Variants in ELMO1 observed in about 807,000 individuals in gnomAD.
ELMO1 encodes engulfment and cell motility protein 1.
A neutral mutation model predicts 98.9 loss-of-function variants in ELMO1; 26 were observed. The observed-to-expected ratio is 0.26, with a 90% CI of 0.19 to 0.36. The LOEUF is 0.36. Among genes scored for constraint, ELMO1 ranks in the 10% least tolerant of loss-of-function variants. ELMO1 has a pLI of 1.00. For missense variants in ELMO1, 627 were observed against 935.2 expected, an observed-to-expected ratio of 0.67 and a Z score of 4.30; for synonymous variants, 346 against 346.0, an observed-to-expected ratio of 1.00 and a Z score of 0.00.
intron 15 of ELMO1, among the ~76,000 whole-genome samples, chr7:37,092,741 T>C (rs563214180): frequency 6.6e-6 from 1 of 152,160 alleles, no homozygotes; most frequent in East Asian, 1.9e-4. Flanking sequence ...ACCAACTGCG[T>C]GCAGCACAGT....
chr7:37,407,681 C>A (rs924907552), intron 1 of ELMO1, among the ~76,000 whole-genome samples: 1 of 152,064 alleles, frequency 6.6e-6, no homozygotes, highest in African/African-American at 2.4e-5. Flanking sequence ...GAGAGGGATG[C>A]ATTTGTGGAC....
At chr7:37,120,460 G>A (rs555111803) in intron 14 of ELMO1, among the ~76,000 whole-genome samples, 16 of 152,288 alleles carry the variant, frequency 1.1e-4, no homozygotes, top group African/African-American at 2.4e-4. Flanking sequence ...TTTAGCAAAC[G>A]GCACACCAGG....
chr7:37,279,189 C>T (rs1166263848), intron 4 of ELMO1, among the ~76,000 whole-genome samples: 10 of 150,712 alleles, frequency 6.6e-5, no homozygotes, highest in Admixed American at 2.0e-4. Flanking sequence ...GCAACAACAG[C>T]GAAACTCCGT....
At chr7:36,937,553 T>G (rs1050503044) in intron 16 of ELMO1, among the ~76,000 whole-genome samples, 15 of 152,322 alleles carry the variant, frequency 9.8e-5, no homozygotes, top group Middle Eastern at 3.4e-3. Context: ...TGGTAGTACT[T>G]TGTTACAGCA....
At chr7:37,158,416 A>T (rs899714688) in intron 13 of ELMO1, among the ~76,000 whole-genome samples, 3 of 152,244 alleles carry the variant, frequency 2.0e-5, no homozygotes, top group African/African-American at 7.2e-5. Context: ...CATCTGACAA[A>T]GGACTAATAT....
chr7:37,243,407 C>G (rs891233805), intron 7 of ELMO1, among the ~76,000 whole-genome samples: 2 of 152,078 alleles, frequency 1.3e-5, no homozygotes, highest in Non-Finnish European at 2.9e-5. Flanking sequence ...TGAGACAATG[C>G]CCAGGATAAA....
intron 8 of ELMO1, among the ~76,000 whole-genome samples, chr7:37,232,715 T>C (rs183381591): frequency 8.3e-4 from 126 of 152,264 alleles, no homozygotes; most frequent in Admixed American, 1.6e-3. Context: ...TCAGTATACT[T>C]TGCCTCTTTC....
At chr7:37,150,111 A>C (rs1432180735) in intron 13 of ELMO1, among the ~76,000 whole-genome samples, 1 of 152,092 alleles carries the variant, frequency 6.6e-6, no homozygotes, top group Non-Finnish European at 1.5e-5. Context: ...CAAACCTCAG[A>C]TGGGGCCTTT....
rs371340574 is a variant in ELMO1, at chr7:37,224,867, T to A, written c.701+12A>T. On this transcript the variant is annotated intron_variant, in intron 9 of 21. Coordinates refer to ENST00000310758, the MANE Select transcript of ELMO1 (RefSeq NM_014800.11). ...AGCATTTCTCCTCCCCAGAGCATCT[T>A]GGCATGCTTACCCTTGCAGGTGTGG... 5.0e-5 allele frequency: 81 copies of A among 1,612,884 alleles called. No individual in the cohort carries two copies. The highest frequency in any genetic ancestry group is 6.2e-5 in the Non-Finnish European group (73 of 1,179,272).
intron 2 of ELMO1, among the ~76,000 whole-genome samples, chr7:37,320,010 C>T (rs1223024973): frequency 6.6e-6 from 1 of 152,114 alleles, no homozygotes; most frequent in African/African-American, 2.4e-5. Context: ...AATCCCAGCA[C>T]TTTGGGAGGC....
intron 16 of ELMO1, among the ~76,000 whole-genome samples, chr7:36,965,772 A>T (rs1370201204): frequency 6.6e-6 from 1 of 152,206 alleles, no homozygotes; most frequent in Non-Finnish European, 1.5e-5. Context: ...TTCCAAACAC[A>T]TCATTTCCTC....
intron 13 of ELMO1, among the ~76,000 whole-genome samples, chr7:37,169,936 T>C (rs945153954): frequency 6.6e-6 from 1 of 152,178 alleles, no homozygotes; most frequent in Non-Finnish European, 1.5e-5. Context: ...AGTCTCACTC[T>C]TGTCACCCAG....
At chr7:36,862,019 G>C in intron 20 of ELMO1, 1 of 386,450 alleles carries the variant, frequency 2.6e-6, no homozygotes, top group Admixed American at 3.7e-5. Flanking sequence ...GGCTCAATGA[G>C]TGTCCAAGGT....
chr7:36,864,290 C>T (rs1168748786), intron 20 of ELMO1, among the ~76,000 whole-genome samples: 1 of 152,168 alleles, frequency 6.6e-6, no homozygotes, highest in African/African-American at 2.4e-5. Context: ...GGAAAAGGAG[C>T]AGGCAAACTT....
chr7:37,033,653 AC>A (rs1795005131), intron 15 of ELMO1, among the ~76,000 whole-genome samples: 1 of 152,184 alleles, frequency 6.6e-6, no homozygotes, highest in African/African-American at 2.4e-5. Flanking sequence ...TGTTTTGATG[AC>A]AGATGTTTCT....
At chr7:37,049,626 C>T (rs1426639647) in intron 15 of ELMO1, among the ~76,000 whole-genome samples, 2 of 151,848 alleles carry the variant, frequency 1.3e-5, no homozygotes, top group Non-Finnish European at 2.9e-5. Context: ...AAGAAAGCTG[C>T]CCTCTGTAGG....
intron 16 of ELMO1, among the ~76,000 whole-genome samples, chr7:36,994,377 C>T (rs1792064383): frequency 6.6e-6 from 1 of 152,172 alleles, no homozygotes; most frequent in Non-Finnish European, 1.5e-5. Flanking sequence ...ACAGCTCTCA[C>T]CAATACTGGG....
intron 1 of ELMO1, among the ~76,000 whole-genome samples, chr7:37,381,372 T>C (rs1408026928): frequency 6.6e-6 from 1 of 152,234 alleles, no homozygotes; most frequent in Non-Finnish European, 1.5e-5. Flanking sequence ...ACCCCCTAGA[T>C]TACTGGTTTA....
At chr7:36,973,759 G>A (rs1044296786) in intron 16 of ELMO1, among the ~76,000 whole-genome samples, 1 of 152,192 alleles carries the variant, frequency 6.6e-6, no homozygotes, top group South Asian at 2.1e-4. Flanking sequence ...AGGCGCGAGC[G>A]GGAACCGGGG....
Sources: gnomAD v4.1 joint callset for allele counts (sites outside exome capture counted in the v4.1 genomes callset) on GRCh38, gnomAD v4.1.1 for gene constraint, MANE v1.5 for transcripts, NCBI Gene and HGNC (gene_info 2026-07-23, HGNC 2026-07-21) for gene names.